The following SYN2 variants were observed in gnomAD, a reference collection of about 807,000 sequenced individuals.
SYN2 encodes the protein synapsin-2.
A neutral mutation model predicts 50.9 loss-of-function variants in SYN2; 19 were observed. That is an observed-to-expected ratio of 0.37 (90% CI 0.26 to 0.55). The LOEUF is 0.55. SYN2 is among the 20% of genes least tolerant of loss of function. The pLI, the probability that SYN2 is intolerant of heterozygous loss-of-function variation, is 0.81. For missense variants in SYN2, 587 were observed against 576.4 expected (o/e 1.02, Z -0.19); for synonymous variants, 255 against 224.9 (o/e 1.13, Z -1.20).
intron 1 of SYN2, among the ~76,000 whole-genome samples, chr3:12,009,564 C>T (rs1693873788): frequency 6.6e-6 from 1 of 152,206 alleles, no homozygotes; most frequent in African/African-American, 2.4e-5. Context: ...CTAAAACTCA[C>T]ATCTGACTCC....
In SYN2 at chr3:12,004,758, G is replaced by GCCGCAGCCCGCC. The variant is rs1693754218; in HGVS notation, c.218_219insCCCGCAGCCCGC (p.Gln71_Pro74dup). 1 of 344,224 alleles carries GCCGCAGCCCGCC rather than the reference G, an allele frequency of 2.9e-6. No individual in the cohort carries two copies. Among genetic ancestry groups the GCCGCAGCCCGCC allele is most frequent in the African/African-American group, 2.2e-5 (1 of 45,842 alleles). 21.3% of individuals were successfully genotyped at this position (344,224 alleles called of 1,614,324 possible). Reference sequence around the variant, plus strand: ...GGCCGCCGCCCGCCTCGGCGCCCGCGCCGCAGCCCGCGCCGACGCCGTCGG... The same window carrying GCCGCAGCCCGCC: ...GGCCGCCGCCCGCCTCGGCGCCCGCGCCGCAGCCCGCCCCGCAGCCCGCGCCGACGCCGTCGG... On this transcript the variant is annotated inframe_insertion, in exon 1 of 13. Coordinates refer to ENST00000621198, the MANE Select transcript of SYN2 (RefSeq NM_133625.6).
At chr3:12,043,178 A>G (rs1163550029) in intron 1 of SYN2, among the ~76,000 whole-genome samples, 2 of 152,136 alleles carry the variant, frequency 1.3e-5, no homozygotes, top group East Asian at 1.9e-4. Context: ...GAGCATCACC[A>G]TGCCCAGCTA....
intron 1 of SYN2, among the ~76,000 whole-genome samples, chr3:12,135,683 A>C (rs1206132635): frequency 6.6e-6 from 1 of 152,188 alleles, no homozygotes; most frequent in East Asian, 1.9e-4. Context: ...GAAGGAAAGA[A>C]CTTGACCCTC....
chr3:12,139,376 C>T (rs187695992), intron 1 of SYN2, among the ~76,000 whole-genome samples: 6 of 152,214 alleles, frequency 3.9e-5, no homozygotes, highest in South Asian at 2.1e-4. Flanking sequence ...AGGGCAAGTC[C>T]GTTTTTGTAG....
At chr3:12,179,674 T>C (rs895930432) in intron 10 of SYN2, among the ~76,000 whole-genome samples, 5 of 152,318 alleles carry the variant, frequency 3.3e-5, no homozygotes, top group African/African-American at 1.2e-4. Flanking sequence ...CAAAGTCACA[T>C]GTGTAAAGTT....
At chr3:12,122,644 C>G (rs1696586029) in intron 1 of SYN2, among the ~76,000 whole-genome samples, 1 of 152,090 alleles carries the variant, frequency 6.6e-6, no homozygotes, top group African/African-American at 2.4e-5. Flanking sequence ...AAAAATGCTT[C>G]CTTTGAGAAT....
chr3:12,105,529 C>T (rs368907182), intron 1 of SYN2, among the ~76,000 whole-genome samples: 1 of 120,544 alleles, frequency 8.3e-6, no homozygotes, highest in South Asian at 2.7e-4. Flanking sequence ...TCCTAGGTAG[C>T]CCCTGAAAAG....
At chr3:12,148,007 A>G (rs1041890393) in intron 4 of SYN2, among the ~76,000 whole-genome samples, 1 of 151,982 alleles carries the variant, frequency 6.6e-6, no homozygotes, top group Non-Finnish European at 1.5e-5. Context: ...CCAGCAACTT[A>G]GGTGGCTGAG....
intron 3 of SYN2, among the ~76,000 whole-genome samples, chr3:12,142,725 A>G (rs1301233309): frequency 6.6e-6 from 1 of 152,288 alleles, no homozygotes; most frequent in East Asian, 1.9e-4. Context: ...GGTTTCAACA[A>G]GTGTTATTCT....
intron 10 of SYN2, among the ~76,000 whole-genome samples, chr3:12,177,532 G>T (rs555470644): frequency 6.6e-6 from 1 of 152,276 alleles, no homozygotes; most frequent in Non-Finnish European, 1.5e-5. Context: ...AGGGGTCTCT[G>T]ATCCCCGGCA....
chr3:12,034,922 GTCCAAAGCCCAAAGTCTCATCTAAA>G (rs773649854), intron 1 of SYN2, among the ~76,000 whole-genome samples: 7 of 152,114 alleles, frequency 4.6e-5, no homozygotes, highest in Non-Finnish European at 7.3e-5. Flanking sequence ...CAACTCAAAA[GTCCAAAGCCCAAAGTCTCATCTAAA>G]TCAGATATGG....
chr3:12,072,237 C>T (rs990771306), intron 1 of SYN2, among the ~76,000 whole-genome samples: 6 of 152,082 alleles, frequency 3.9e-5, no homozygotes, highest in Non-Finnish European at 7.3e-5. Flanking sequence ...GGATACCAAA[C>T]CCTTATCAGA....
intron 10 of SYN2, among the ~76,000 whole-genome samples, chr3:12,182,419 G>A (rs1217144569): frequency 1.3e-5 from 2 of 152,118 alleles, no homozygotes; most frequent in Non-Finnish European, 2.9e-5. Context: ...GACTCCAAAC[G>A]TTCACTGCCT....
chr3:12,143,770 T>C (rs1299270814), intron 3 of SYN2, among the ~76,000 whole-genome samples: 1 of 152,258 alleles, frequency 6.6e-6, no homozygotes, highest in Non-Finnish European at 1.5e-5. Context: ...TGTCTTTTAA[T>C]ATGATGATTT....
At chr3:12,080,370 CTCTAGT>C (rs1695560868) in intron 1 of SYN2, among the ~76,000 whole-genome samples, 1 of 151,242 alleles carries the variant, frequency 6.6e-6, no homozygotes, top group South Asian at 2.1e-4. Context: ...GCTCTTGGTT[CTCTAGT>C]TCTGTTAGTT....
intron 3 of SYN2, among the ~76,000 whole-genome samples, chr3:12,142,821 A>G (rs943650811): frequency 1.3e-5 from 2 of 152,118 alleles, no homozygotes; most frequent in African/African-American, 4.8e-5. Context: ...CTCCACCTCA[A>G]TCTACAGTAA....
chr3:12,044,731 G>A (rs146012649), intron 1 of SYN2, among the ~76,000 whole-genome samples: 1 of 152,126 alleles, frequency 6.6e-6, no homozygotes, highest in Non-Finnish European at 1.5e-5. Context: ...GTACATTCTT[G>A]CTATTGGGGA....
chr3:12,125,826 T>A, intron 1 of SYN2, among the ~76,000 whole-genome samples: 1 of 123,328 alleles, frequency 8.1e-6, no homozygotes, highest in Non-Finnish European at 1.7e-5. Flanking sequence ...CTTGAAAAAA[T>A]GAATTGTCTA....
intron 1 of SYN2, among the ~76,000 whole-genome samples, chr3:12,064,468 GA>G (rs1695170059): frequency 6.6e-6 from 1 of 152,022 alleles, no homozygotes; most frequent in African/African-American, 2.4e-5. Flanking sequence ...GAATCGGGGG[GA>G]AAGTAAATAA....
Sources: allele counts gnomAD v4.1 joint callset (sites outside exome capture counted in the v4.1 genomes callset), GRCh38; gene constraint gnomAD v4.1.1; transcripts MANE v1.5; gene names NCBI Gene and HGNC (gene_info 2026-07-23, HGNC 2026-07-21).